Variants in AP4B1 observed in about 807,000 individuals in gnomAD.
The protein encoded by AP4B1 is AP-4 complex subunit beta-1.
AP4B1 carries 49 observed loss-of-function variants against 76.5 expected under a neutral mutation model. The observed-to-expected ratio is 0.64, with a 90% CI of 0.51 to 0.81. The LOEUF is 0.81. AP4B1 is among the 40% of genes least tolerant of loss of function. The pLI, the probability that AP4B1 is intolerant of heterozygous loss-of-function variation, is 0.00. For synonymous variants in AP4B1, 330 were observed against 333.3 expected (o/e 0.99, Z 0.11); for missense variants, 911 against 904.9 (o/e 1.01, Z -0.09).
At chr1:113,904,913 AG>A (rs1668789225), upstream of AP4B1, 1 of 596,394 alleles carries the variant, frequency 1.7e-6, no homozygotes, top group African/African-American at 1.9e-5. Context: ...CGACACCGCG[AG>A]CCCCACCCTA....
chr1:113,896,066 T>G, intron 8 of AP4B1, 28 bp from the exon 9 acceptor site: 1 of 1,614,182 alleles, frequency 6.2e-7, no homozygotes, highest in Non-Finnish European at 8.5e-7. Flanking sequence ...ATTGACTTCA[T>G]TAAAAACAAA....
intron 3 of AP4B1, 72 bp from the exon 4 acceptor site, chr1:113,901,455 A>C: frequency 1.3e-6 from 2 of 1,519,856 alleles, no homozygotes; most frequent in Non-Finnish European, 1.8e-6. Flanking sequence ...CCAGAGTAAT[A>C]GCTCCAGGTA....
rs762392762 is a variant in AP4B1, at chr1:113,896,474, T to A, written c.1303-9A>T. ...ATAAGTGCTTGCTTCCCCTAGAGAA[T>A]AAAGGAATAAGAGCAAGTGCTCAAC... On this transcript the variant is annotated splice_polypyrimidine_tract_variant and intron_variant, in intron 7 of 9. Transcript: ENST00000369569. 3.1e-6 allele frequency: 5 copies of A among 1,613,666 alleles called. No homozygotes were observed. Among genetic ancestry groups the A allele is most frequent in the Non-Finnish European group, 4.2e-6 (5 of 1,179,556 alleles).
intron 3 of AP4B1, 23 bp from the exon 4 acceptor site, chr1:113,901,406 T>G: frequency 6.2e-7 from 1 of 1,611,816 alleles, no homozygotes; most frequent in Non-Finnish European, 8.5e-7. Context: ...ACAAAGTTCT[T>G]AGATAAAGAA....
In AP4B1 at chr1:113,894,998, T is replaced by C; in HGVS notation, c.*67A>G. ...GATATTATCTGGACTTACTGGCAGC[T>C]CTAATAGGAAAGACTAAGAAAGTGT... On this transcript the variant is annotated 3_prime_UTR_variant, in exon 10 of 10. Transcript: ENST00000369569. 6.6e-7 allele frequency: 1 copy of C among 1,503,972 alleles called. No individual in the cohort carries two copies. The highest frequency in any genetic ancestry group is 9.1e-7 in the Non-Finnish European group (1 of 1,100,900). The allele number at this position is 1,503,972 out of a possible 1,614,324, so 93.2% of individuals were successfully genotyped here. A position where few individuals can be genotyped will look rare whatever the true frequency, so the allele number is the denominator to read the frequency against.
Position 113,904,792 on chromosome 1 carries a change from G to T in AP4B1, c.-75C>A. On this transcript the variant is annotated 5_prime_UTR_variant, in exon 1 of 10. Coordinates refer to ENST00000369569, the MANE Select transcript of AP4B1 (RefSeq NM_001253852.3). The stretch of plus-strand genomic sequence containing the variant: ...GGCTCCTTCTCGTCCTGATGTGGGA[G>T]CCTGAGTAAAGGAAATATGAGTCAG... 7.9e-7 allele frequency: 1 copy of T among 1,261,226 alleles called. No individual in the cohort carries two copies. The highest frequency in any genetic ancestry group is 1.2e-6 in the Non-Finnish European group (1 of 861,102). The allele number at this position is 1,261,226 out of a possible 1,614,324, so 78.1% of individuals were successfully genotyped here.
chr1:113,895,656 G>T (rs1052281657), intron 9 of AP4B1, 101 bp downstream of exon 9: 2 of 1,553,794 alleles, frequency 1.3e-6, no homozygotes, highest in African/African-American at 1.4e-5. Context: ...TCAAATTCAG[G>T]CAACAGTCTG....
At chr1:113,899,229 T>A (rs920359778) in intron 5 of AP4B1, 2 of 1,023,574 alleles carry the variant, frequency 2.0e-6, no homozygotes, top group Non-Finnish European at 2.3e-6. Context: ...CCATGCTTTA[T>A]TCCAAATATG....
intron 2 of AP4B1, chr1:113,902,265 A>G: frequency 2.5e-6 from 1 of 397,608 alleles, no homozygotes; most frequent in Non-Finnish European, 4.7e-6. Flanking sequence ...TCCTGGGCTC[A>G]AGCAATCTTC....
Position 113,904,738 on chromosome 1 carries a change from A to G in AP4B1, c.-21T>C. The G allele has an allele frequency of 6.3e-7, 1 of 1,592,666 alleles. No individual in the cohort carries two copies. The highest frequency in any genetic ancestry group is 8.6e-7 in the Non-Finnish European group (1 of 1,162,334). On this transcript the variant is annotated 5_prime_UTR_variant, in exon 1 of 10. Coordinates refer to ENST00000369569, the MANE Select transcript of AP4B1 (RefSeq NM_001253852.3). Reference sequence around the variant, plus strand: ...GGCATCTTCCTAAGAGTCACAGGGCAGCTCCCACAGCTCCCACGGTAACTC... The same window carrying G: ...GGCATCTTCCTAAGAGTCACAGGGCGGCTCCCACAGCTCCCACGGTAACTC...
At chr1:113,899,741 A>C in intron 5 of AP4B1, 163 bp downstream of exon 5, 2 of 1,179,572 alleles carry the variant, frequency 1.7e-6, no homozygotes, top group Admixed American at 2.2e-5. Flanking sequence ...AACAAAAAAA[A>C]ACTCTCTTCC....
rs560661355 is a variant in AP4B1 at position 113,898,867 on chromosome 1, C to A, written c.1115-66G>T. The A allele has an allele frequency of 5.7e-6, 7 of 1,238,218 alleles. No individual in the cohort carries two copies. In the East Asian group the frequency reaches 1.6e-4, roughly 29 times the overall value. 76.7% of individuals were successfully genotyped at this position (1,238,218 alleles called of 1,614,324 possible). A position where few individuals can be genotyped will look rare whatever the true frequency, so the allele number is the denominator to read the frequency against. The stretch of plus-strand genomic sequence containing the variant: ...TATTAGCACCTCAATCTAAAATCAT[C>A]TCCCACCAGTGAAAGACAAAAGAAA... On this transcript the variant is annotated intron_variant, in intron 5 of 9. Coordinates refer to ENST00000369569, the MANE Select transcript of AP4B1 (RefSeq NM_001253852.3).
intron 4 of AP4B1, 161 bp downstream of exon 4, chr1:113,901,075 C>A (rs1007313133): frequency 9.6e-6 from 10 of 1,038,820 alleles, no homozygotes; most frequent in Non-Finnish European, 1.4e-5. Context: ...CCATTGCACT[C>A]CAGCTTAGAC....
Position 113,904,764 on chromosome 1 carries a change from G to C in AP4B1, c.-47C>G, listed in dbSNP as rs372091501. On this transcript the variant is annotated 5_prime_UTR_variant, in exon 1 of 10. Coordinates refer to ENST00000369569, the MANE Select transcript of AP4B1 (RefSeq NM_001253852.3). The stretch of plus-strand genomic sequence containing the variant: ...GCTCCCACAGCTCCCACGGTAACTC[G>C]AGGGCTCCTTCTCGTCCTGATGTGG... The C allele has an allele frequency of 6.6e-7, 1 of 1,511,876 alleles. No individual in the cohort carries two copies. Among genetic ancestry groups the C allele is most frequent in the African/African-American group, 1.4e-5 (1 of 72,922 alleles). 93.7% of individuals were successfully genotyped at this position (1,511,876 alleles called of 1,614,324 possible). A position where few individuals can be genotyped will look rare whatever the true frequency, so the allele number is the denominator to read the frequency against.
At chr1:113,901,990 G>A (rs1668332101) in intron 2 of AP4B1, 105 bp from the exon 3 acceptor site, 1 of 1,368,980 alleles carries the variant, frequency 7.3e-7, no homozygotes, top group South Asian at 1.2e-5. Context: ...GCACCCATCA[G>A]ATCATGAAGA....
intron 7 of AP4B1, 141 bp from the exon 8 acceptor site, chr1:113,896,606 G>C (rs910419630): frequency 1.3e-6 from 1 of 761,098 alleles, no homozygotes; most frequent in Non-Finnish European, 2.3e-6. Flanking sequence ...TTAATTTACT[G>C]ATTCCCCGTA....
chr1:113,899,846 C>A (rs1308091974), intron 5 of AP4B1, 58 bp downstream of exon 5: 1 of 1,613,766 alleles, frequency 6.2e-7, no homozygotes, highest in South Asian at 1.1e-5. Flanking sequence ...TTCCTCTAAC[C>A]ACAGTTTTCT....
At chr1:113,898,911 A>G in intron 5 of AP4B1, 110 bp from the exon 6 acceptor site, 3 of 1,045,258 alleles carry the variant, frequency 2.9e-6, no homozygotes, top group Non-Finnish European at 1.4e-6. Context: ...TCTAAAAAAA[A>G]AAAAAAGAAA....
rs189259390 is a variant in AP4B1 at position 113,902,060 on chromosome 1, T to C, written c.339-175A>G. On this transcript the variant is annotated intron_variant, in intron 2 of 9. Coordinates refer to ENST00000369569, the MANE Select transcript of AP4B1 (RefSeq NM_001253852.3). Reference sequence around the variant, plus strand: ...TAATTTGACTTTTCTGTTTTTTTCTTGTTTTTTTCAAGATGGGGTCTCACT... The same window carrying C: ...TAATTTGACTTTTCTGTTTTTTTCTCGTTTTTTTCAAGATGGGGTCTCACT... The C allele has an allele frequency of 3.5e-6, 3 of 847,736 alleles. No homozygotes were observed. In the Admixed American group the frequency reaches 6.6e-5, roughly 19 times the overall value. 52.5% of individuals were successfully genotyped at this position (847,736 alleles called of 1,614,324 possible). A position where few individuals can be genotyped will look rare whatever the true frequency, so the allele number is the denominator to read the frequency against.
Sources: allele counts gnomAD v4.1 joint callset, GRCh38; gene constraint gnomAD v4.1.1; transcripts MANE v1.5; gene names NCBI Gene and HGNC (gene_info 2026-07-23, HGNC 2026-07-21).